Variants in GLIS3 observed in about 807,000 individuals in gnomAD.
GLIS3 encodes GLIS family zinc finger 3.
In GLIS3, 53 loss-of-function variants were observed where a neutral mutation model predicts 78.6. That is an observed-to-expected ratio of 0.67 (90% CI 0.54 to 0.85). The LOEUF is 0.85. Ranked by LOEUF, GLIS3 falls within the 40% of genes least tolerant of loss-of-function variation. The pLI is 0.00. For synonymous variants in GLIS3, 684 were observed against 509.9 expected (o/e 1.34, Z -4.60); for missense variants, 1,703 against 1,231.1 (o/e 1.38, Z -5.74).
intron 4 of GLIS3, among the ~76,000 whole-genome samples, chr9:4,084,262 C>T (rs1828816847): frequency 7.6e-6 from 1 of 132,318 alleles, no homozygotes; most frequent in Admixed American, 8.0e-5. Flanking sequence ...CTCTAACACA[C>T]ACACACACAC....
the GLIS3 span, among the ~76,000 whole-genome samples, chr9:4,470,708 C>G: frequency 4.6e-5 from 7 of 151,878 alleles, no homozygotes; most frequent in African/African-American, 1.7e-4. Flanking sequence ...CAGGGATGCC[C>G]TCTCTCACCA....
At chr9:4,455,669 T>C in the GLIS3 span, among the ~76,000 whole-genome samples, 1 of 152,188 alleles carries the variant, frequency 6.6e-6, no homozygotes, top group Non-Finnish European at 1.5e-5. Flanking sequence ...AAGTGATCAA[T>C]AATGGGACAT....
At chr9:4,217,912 G>A (rs1196452641) in intron 2 of GLIS3, among the ~76,000 whole-genome samples, 4 of 152,210 alleles carry the variant, frequency 2.6e-5, no homozygotes, top group African/African-American at 4.8e-5. Flanking sequence ...ATTAATGCAA[G>A]ATGAGGACTT....
chr9:4,069,931 T>C (rs926909800), intron 4 of GLIS3, among the ~76,000 whole-genome samples: 1 of 151,974 alleles, frequency 6.6e-6, no homozygotes, highest in African/African-American at 2.4e-5. Flanking sequence ...AAGATAAGCT[T>C]TGGACATTCT....
At position 4,265,897 on chromosome 9, in the gene GLIS3, G is replaced by T. The variant is rs528399507; in HGVS notation, c.388+20141C>A. ...GTTTTAGTAAAATGCACTCACCCTG[G>T]TTTTTTTTTTGTTTGTCTGTTTGTT... On this transcript the variant is annotated intron_variant, in intron 2 of 10. Transcript: ENST00000381971. Among the ~76,000 whole-genome samples the T allele has an allele frequency of 1.5e-4, 18 of 120,782 alleles. 1 individual carries two copies. The South Asian group carries it at 3.4e-3, about 23-fold the overall frequency. 79.2% of individuals were successfully genotyped at this position (120,782 alleles called of 152,430 possible). A position where few individuals can be genotyped will look rare whatever the true frequency, so the allele number is the denominator to read the frequency against.
At chr9:3,860,638 A>C (rs1261563910) in intron 8 of GLIS3, among the ~76,000 whole-genome samples, 1 of 152,236 alleles carries the variant, frequency 6.6e-6, no homozygotes, top group African/African-American at 2.4e-5. Flanking sequence ...GAAGACAGAC[A>C]GGCCAGAAGT....
intron 9 of GLIS3, among the ~76,000 whole-genome samples, chr9:3,840,097 G>A (rs1205117740): frequency 6.6e-6 from 1 of 152,132 alleles, no homozygotes; most frequent in African/African-American, 2.4e-5. Flanking sequence ...ATTTTATAGG[G>A]TTGTGGAAAA....
chr9:4,091,227 C>T (rs977883658), intron 4 of GLIS3, among the ~76,000 whole-genome samples: 9 of 151,808 alleles, frequency 5.9e-5, no homozygotes, highest in Admixed American at 3.3e-4. Flanking sequence ...ATTAGCCAGA[C>T]GTGGTGGTGT....
Position 4,117,825 on chromosome 9 carries a change from G to C in GLIS3, c.1653C>G (p.Arg551=). 1 of 1,614,204 alleles carries C rather than the reference G, an allele frequency of 6.2e-7. No individual in the cohort carries two copies. Among genetic ancestry groups the C allele is most frequent in the Non-Finnish European group, 8.5e-7 (1 of 1,180,038 alleles). Residue 551 remains arginine (R), a synonymous_variant, in exon 4 of 11, where the codon CGC becomes CGG. Coordinates refer to ENST00000381971, the MANE Select transcript of GLIS3 (RefSeq NM_001042413.2). ...CTCTCATGTGGATCAGCAGTTTATA[G>C]CGGGCGTTGAAGGGCTTGTATCTTC... ...CPRRYKPFNA[R]YKLLIHMRVH...
At chr9:4,218,860 G>C (rs980272088) in intron 2 of GLIS3, among the ~76,000 whole-genome samples, 3 of 152,132 alleles carry the variant, frequency 2.0e-5, no homozygotes, top group African/African-American at 4.8e-5. Context: ...GTAAATCACA[G>C]CTCCCAACTC....
At chr9:4,354,839 G>A in the GLIS3 span, among the ~76,000 whole-genome samples, 15 of 152,126 alleles carry the variant, frequency 9.9e-5, no homozygotes, top group African/African-American at 3.6e-4. Flanking sequence ...CTGAGTAGCC[G>A]GACATGGTGG....
At chr9:3,909,048 G>A (rs1021682395) in intron 6 of GLIS3, among the ~76,000 whole-genome samples, 17 of 152,116 alleles carry the variant, frequency 1.1e-4, no homozygotes, top group Non-Finnish European at 2.1e-4. Context: ...GCATCACCTT[G>A]TAGGGATCCC....
At chr9:4,169,659 G>A (rs1816199676) in intron 2 of GLIS3, among the ~76,000 whole-genome samples, 1 of 152,150 alleles carries the variant, frequency 6.6e-6, no homozygotes. Context: ...AAATGTGCAT[G>A]TTTGTAGAAA....
chr9:4,375,764 C>T, the GLIS3 span, among the ~76,000 whole-genome samples: 11 of 152,096 alleles, frequency 7.2e-5, 1 homozygote, highest in African/African-American at 1.9e-4. Context: ...ACAGTCAGTG[C>T]GAGTGGGAAA....
intron 7 of GLIS3, among the ~76,000 whole-genome samples, chr9:3,891,611 A>C (rs890055822): frequency 6.6e-6 from 1 of 152,176 alleles, no homozygotes; most frequent in African/African-American, 2.4e-5. Context: ...CTGAGGCAGG[A>C]GGATGACTTG....
chr9:3,873,555 C>T (rs894968887), intron 8 of GLIS3, among the ~76,000 whole-genome samples: 1 of 152,088 alleles, frequency 6.6e-6, no homozygotes, highest in East Asian at 1.9e-4. Flanking sequence ...ACATATTGTG[C>T]TTGGTTGTGG....
chr9:4,116,477 G>A (rs770691959), intron 4 of GLIS3, among the ~76,000 whole-genome samples: 22 of 152,292 alleles, frequency 1.4e-4, no homozygotes, highest in Middle Eastern at 3.4e-3. Flanking sequence ...GGTGCATAGC[G>A]TTGTGACAAG....
intron 4 of GLIS3, among the ~76,000 whole-genome samples, chr9:4,085,486 T>C (rs1333180605): frequency 1.3e-5 from 2 of 152,050 alleles, no homozygotes; most frequent in Non-Finnish European, 2.9e-5. Flanking sequence ...GTCCACGTGA[T>C]AGCCAGAATT....
chr9:4,346,136 C>T (rs560698820), intron 2 of GLIS3, among the ~76,000 whole-genome samples: 6 of 152,004 alleles, frequency 3.9e-5, no homozygotes, highest in East Asian at 1.9e-4. Flanking sequence ...TTACAAAAAT[C>T]GATTATGTAC....
Sources: allele counts gnomAD v4.1 joint callset (sites outside exome capture counted in the v4.1 genomes callset), GRCh38; gene constraint gnomAD v4.1.1; transcripts MANE v1.5; gene names NCBI Gene and HGNC (gene_info 2026-07-23, HGNC 2026-07-21).